TUSC3: variants seen among roughly 807,000 people sequenced by gnomAD.
The protein encoded by TUSC3 is dolichyl-diphosphooligosaccharide--protein glycosyltransferase subunit TUSC3.
TUSC3 carries 45 observed loss-of-function variants against 44.8 expected under a neutral mutation model. The observed-to-expected ratio is 1.00, with a 90% CI of 0.79 to 1.29. The LOEUF (loss-of-function observed/expected upper bound fraction) is 1.29, where lower values mean the gene tolerates loss of function less well. Among genes scored for constraint, TUSC3 ranks in the 50% most tolerant of loss-of-function variants. TUSC3 has a pLI of 0.00. For synonymous variants in TUSC3, 212 were observed against 152.9 expected (o/e 1.39, Z -2.85); for missense variants, 519 against 437.9 (o/e 1.19, Z -1.65).
At chr8:15,447,777 T>C (rs570863931) in intron 1 of TUSC3, among the ~76,000 whole-genome samples, 16 of 151,886 alleles carry the variant, frequency 1.1e-4, no homozygotes, top group South Asian at 4.2e-4. Flanking sequence ...GTGTACATGA[T>C]GTAAAATGTC....
chr8:15,456,149 A>C (rs1800254313), intron 1 of TUSC3, among the ~76,000 whole-genome samples: 1 of 152,128 alleles, frequency 6.6e-6, no homozygotes, highest in African/African-American at 2.4e-5. Context: ...CTTTCCTCAC[A>C]CTAGCTTTGA....
intron 1 of TUSC3, among the ~76,000 whole-genome samples, chr8:15,545,905 C>A (rs1465057444): frequency 6.6e-6 from 1 of 151,682 alleles, no homozygotes; most frequent in African/African-American, 2.4e-5. Context: ...GTCAGACTAT[C>A]TCAGACTATC....
chr8:15,524,099 T>C (rs1348361889), intron 2 of TUSC3, among the ~76,000 whole-genome samples: 1 of 151,724 alleles, frequency 6.6e-6, no homozygotes, highest in Admixed American at 6.6e-5. Flanking sequence ...TTGGTTTGCA[T>C]TTGATTTAGA....
the TUSC3 span, among the ~76,000 whole-genome samples, chr8:15,826,579 T>C: frequency 6.6e-6 from 1 of 152,204 alleles, no homozygotes; most frequent in Non-Finnish European, 1.5e-5. Context: ...CTGAGCTATT[T>C]TCTCCTGCTT....
At chr8:15,494,193 C>G (rs975379109) in intron 2 of TUSC3, among the ~76,000 whole-genome samples, 4 of 152,074 alleles carry the variant, frequency 2.6e-5, no homozygotes, top group Non-Finnish European at 5.9e-5. Context: ...AAATATGGAT[C>G]TGAATTCCTT....
intron 1 of TUSC3, among the ~76,000 whole-genome samples, chr8:15,569,438 T>C (rs1034510979): frequency 6.6e-6 from 1 of 152,172 alleles, no homozygotes; most frequent in African/African-American, 2.4e-5. Flanking sequence ...AATGAAACTA[T>C]ATACACACAC....
the TUSC3 span, among the ~76,000 whole-genome samples, chr8:15,822,092 G>A: frequency 1.3e-5 from 2 of 152,120 alleles, no homozygotes; most frequent in Non-Finnish European, 2.9e-5. Context: ...GAGTAGGAAA[G>A]AAAGTGAGAT....
intron 6 of TUSC3, among the ~76,000 whole-genome samples, chr8:15,698,719 C>T (rs1299756820): frequency 6.6e-6 from 1 of 152,078 alleles, no homozygotes; most frequent in African/African-American, 2.4e-5. Flanking sequence ...ATGTTTTTTA[C>T]ATATTTGACT....
At chr8:15,786,388 T>G in the TUSC3 span, among the ~76,000 whole-genome samples, 27 of 152,224 alleles carry the variant, frequency 1.8e-4, 1 homozygote, top group Admixed American at 9.2e-4. Context: ...GGGAAAATAT[T>G]TTAATGTGTC....
At chr8:15,441,881 C>G (rs936607079) in intron 1 of TUSC3, among the ~76,000 whole-genome samples, 26 of 152,116 alleles carry the variant, frequency 1.7e-4, no homozygotes, top group South Asian at 6.2e-4. Context: ...TTACTAGATA[C>G]CAGCTATATG....
At chr8:15,794,716 ATAAT>A in the TUSC3 span, among the ~76,000 whole-genome samples, 134,125 of 151,918 alleles carry the variant, frequency 0.88, 59,332 homozygotes, top group East Asian at 0.97. Flanking sequence ...AGGAAGCCTA[ATAAT>A]GCTTTGGGAA....
At chr8:15,840,911 T>C in the TUSC3 span, among the ~76,000 whole-genome samples, 3 of 152,158 alleles carry the variant, frequency 2.0e-5, no homozygotes, top group Admixed American at 6.5e-5. Flanking sequence ...AGTGCTCATA[T>C]AGGAATTAAG....
At chr8:15,429,152 T>C (rs1273221507) in intron 1 of TUSC3, among the ~76,000 whole-genome samples, 2 of 152,142 alleles carry the variant, frequency 1.3e-5, no homozygotes, top group African/African-American at 4.8e-5. Flanking sequence ...TTGTATAAGG[T>C]GTAAGGAAGG....
At chr8:15,554,419 A>G (rs1264123454) in intron 1 of TUSC3, among the ~76,000 whole-genome samples, 1 of 151,510 alleles carries the variant, frequency 6.6e-6, no homozygotes, top group East Asian at 2.0e-4. Context: ...TTGAGATGGT[A>G]GATGCTTTAT....
intron 5 of TUSC3, among the ~76,000 whole-genome samples, chr8:15,663,690 G>C (rs1807528059): frequency 6.6e-6 from 1 of 151,842 alleles, no homozygotes; most frequent in Non-Finnish European, 1.5e-5. Flanking sequence ...TCTCACTTTT[G>C]ATGAATGAGT....
At chr8:15,594,171 TTC>T (rs1262125322) in intron 1 of TUSC3, among the ~76,000 whole-genome samples, 1 of 152,208 alleles carries the variant, frequency 6.6e-6, no homozygotes, top group African/African-American at 2.4e-5. Flanking sequence ...TTATTTTAGA[TTC>T]TTTTTTTGGA....
chr8:15,591,686 T>C (rs1376473765), intron 1 of TUSC3, among the ~76,000 whole-genome samples: 2 of 152,170 alleles, frequency 1.3e-5, no homozygotes, highest in Non-Finnish European at 1.5e-5. Flanking sequence ...AGATCTGACT[T>C]TTAAGTAAGA....
At chr8:15,510,869 C>G (rs1186612169) in intron 2 of TUSC3, among the ~76,000 whole-genome samples, 1 of 152,056 alleles carries the variant, frequency 6.6e-6, no homozygotes, top group Non-Finnish European at 1.5e-5. Flanking sequence ...TATGGAATCA[C>G]TTTAAAATTG....
intron 1 of TUSC3, among the ~76,000 whole-genome samples, chr8:15,617,185 G>A (rs1325015204): frequency 7.7e-6 from 1 of 129,534 alleles, no homozygotes; most frequent in Non-Finnish European, 1.6e-5. Context: ...TGTCGCCCAG[G>A]TTGCAGTGCA....
Sources: allele counts gnomAD v4.1 joint callset (sites outside exome capture counted in the v4.1 genomes callset), GRCh38; gene constraint gnomAD v4.1.1; transcripts MANE v1.5; gene names NCBI Gene and HGNC (gene_info 2026-07-23, HGNC 2026-07-21).